The following AK1 variants were observed in gnomAD, a reference collection of about 807,000 sequenced individuals.
AK1 encodes the protein adenylate kinase isoenzyme 1.
Under a neutral mutation model 23.9 loss-of-function variants are expected in AK1, and 13 were observed. The ratio of observed to expected loss-of-function variants is 0.54; its 90% CI spans 0.35 to 0.86. The LOEUF is 0.86. Among genes scored for constraint, AK1 ranks in the 40% least tolerant of loss-of-function variants. The probability of loss-of-function intolerance (pLI) is 0.01; values close to 1 mark genes in which losing one functional copy is unlikely to be tolerated. For synonymous variants in AK1, 97 were observed against 102.8 expected, an observed-to-expected ratio of 0.94 and a Z score of 0.34; for missense variants, 214 against 255.1, an observed-to-expected ratio of 0.84 and a Z score of 1.10.
At chr9:127,870,923 C>G (rs1829392032) in intron 5 of AK1, among the ~76,000 whole-genome samples, 1 of 147,998 alleles carries the variant, frequency 6.8e-6, no homozygotes, top group South Asian at 2.1e-4. Flanking sequence ...CCTCCTAGGC[C>G]CTTGCAGTCC....
intron 1 of AK1, 52 bp from the exon 2 acceptor site, chr9:127,874,701 C>T (rs916627449): frequency 6.4e-7 from 1 of 1,570,082 alleles, no homozygotes; most frequent in Non-Finnish European, 8.8e-7. Context: ...CACCCTGACT[C>T]ACCTTCCACT....
upstream of AK1, among the ~76,000 whole-genome samples, chr9:127,877,985 C>T (rs1829579937): frequency 6.6e-6 from 1 of 152,254 alleles, no homozygotes; most frequent in Non-Finnish European, 1.5e-5. The surrounding 1 kb of genome is among the most constrained non-coding windows in gnomAD (Gnocchi z 5.2). Context: ...CCAGGCTTTC[C>T]CTATGATAGC....
rs761274632 is a variant in AK1 at position 127,868,060 on chromosome 9, G to A, written c.533C>T (p.Ser178Phe). The change falls in exon 7 of 7, where the codon TCC (serine) becomes TTC (phenylalanine). Residue 178 changes from serine to phenylalanine, a missense_variant. Transcript: ENST00000644144. The surrounding 1 kb of genome is among the most constrained non-coding windows in gnomAD (Gnocchi z 4.1). ...GACCTGGGAGAAGACACTGTCCACG[G>A]AGCCCTCAGCGTTGACCTGTGGGGA... ...GIVRKVNAEG[S>F]VDSVFSQVCT... The A allele has an allele frequency of 2.5e-6, 4 of 1,614,118 alleles. No homozygotes were observed. The highest frequency in any genetic ancestry group is 3.4e-6 in the Non-Finnish European group (4 of 1,179,984).
At chr9:127,870,824 ATGGGAATGGGGC>A (rs1829383738) in intron 5 of AK1, among the ~76,000 whole-genome samples, 1 of 144,036 alleles carries the variant, frequency 6.9e-6, no homozygotes, top group African/African-American at 2.6e-5. Flanking sequence ...GGAATGGGGC[ATGGGAATGGGGC>A]ATGGGGATGG....
At chr9:127,875,820 C>G (rs930796479) in intron 1 of AK1, among the ~76,000 whole-genome samples, 7 of 152,178 alleles carry the variant, frequency 4.6e-5, no homozygotes, top group African/African-American at 1.7e-4. Flanking sequence ...CAACCCTCCC[C>G]TCCCCAGGCT....
chr9:127,872,955 A>G, intron 3 of AK1, 71 bp downstream of exon 3: 3 of 1,613,370 alleles, frequency 1.9e-6, no homozygotes, highest in Non-Finnish European at 2.5e-6. Flanking sequence ...CCCAGGGTGC[A>G]GCCCCAGGCC....
At chr9:127,875,479 C>T (rs915172547) in intron 1 of AK1, among the ~76,000 whole-genome samples, 7 of 151,728 alleles carry the variant, frequency 4.6e-5, no homozygotes, top group African/African-American at 2.4e-5. Context: ...CTCCCCAAGG[C>T]CACTCGCAAC....
intron 1 of AK1, among the ~76,000 whole-genome samples, chr9:127,875,231 G>C (rs1829511262): frequency 6.6e-6 from 1 of 151,906 alleles, no homozygotes. Flanking sequence ...GCGGTCCCAG[G>C]CTCTTCACCT....
In AK1 at chr9:127,872,723, C is replaced by T. The variant is rs747156836; in HGVS notation, c.174G>A (p.Ser58=). 45 of 1,614,036 alleles carry T rather than the reference C, an allele frequency of 2.8e-5. No homozygotes were observed. Among genetic ancestry groups the T allele is most frequent in the South Asian group, 2.1e-4 (19 of 91,082 alleles). The change falls in exon 4 of 7, where the codon TCG becomes TCA. Residue 58 remains serine, a synonymous_variant. Coordinates refer to ENST00000644144, the MANE Select transcript of AK1 (RefSeq NM_000476.3). The stretch of plus-strand genomic sequence containing the variant: ...CCAGCTGCCCCTTCTCCATGATTTC[C>T]GACAGCTTCTTGCCCCTGGCCGAGC... ...SSGSARGKKL[S]EIMEKGQLVP... is the part of the protein sequence containing the mutation.
rs1446234527 is a variant in AK1, at chr9:127,877,039, C to T, written c.-33+584G>A. Among the ~76,000 whole-genome samples the T allele has an allele frequency of 6.6e-6, 1 of 152,204 alleles. No individual in the cohort carries two copies. Among genetic ancestry groups the T allele is most frequent in the African/African-American group, 2.4e-5 (1 of 41,442 alleles). ...CATCACTCAGCTGTGTGACCTTGGG[C>T]AGTTGGTGTCCCCTCTCTGGGCCTG... On this transcript the variant is annotated intron_variant, in intron 1 of 6. Coordinates refer to ENST00000644144, the MANE Select transcript of AK1 (RefSeq NM_000476.3). This position sits in a 1 kb window ranked among gnomAD's most constrained non-coding sequence, Gnocchi z 5.2.
rs12342060 is a variant in AK1, at chr9:127,874,105, A to G, written c.7+506T>C. Reference sequence around the variant, plus strand: ...TTAAGAGCTGCCCAGGCCAAGGCACAGTGCCAGGAACTGGACGGATGGTGC... The same window carrying G: ...TTAAGAGCTGCCCAGGCCAAGGCACGGTGCCAGGAACTGGACGGATGGTGC... On this transcript the variant is annotated intron_variant, in intron 2 of 6. Coordinates refer to ENST00000644144, the MANE Select transcript of AK1 (RefSeq NM_000476.3). 26 of 985,360 alleles carry G rather than the reference A, an allele frequency of 2.6e-5. No individual in the cohort carries two copies. The Admixed American group carries it at 6.8e-4, about 26-fold the overall frequency. 61.0% of individuals were successfully genotyped at this position (985,360 alleles called of 1,614,324 possible). A position where few individuals can be genotyped will look rare whatever the true frequency, so the allele number is the denominator to read the frequency against.
intron 4 of AK1, 91 bp downstream of exon 4, chr9:127,872,599 T>G: frequency 6.4e-7 from 1 of 1,566,350 alleles, no homozygotes. Flanking sequence ...ACGGTCAGCT[T>G]TGCCTGTGTG....
In AK1 at chr9:127,868,677, C is replaced by T. The variant is rs1217564935; in HGVS notation, c.325-165G>A. On this transcript the variant is annotated intron_variant, in intron 5 of 6. Transcript: ENST00000644144. The surrounding 1 kb of genome is among the most constrained non-coding windows in gnomAD (Gnocchi z 4.1). ...CTAAAACCAATCTTTCCTGCCACTC[C>T]CCTGCTCAAACCTACACCATGGCTC... is the stretch of plus-strand genomic sequence containing the variant. 1.1e-4 allele frequency among the ~76,000 whole-genome samples: 17 copies of T among 152,140 alleles called. No homozygotes were observed.
chr9:127,877,093 G>A lies in AK1; in HGVS notation c.-33+530C>T, dbSNP rs931132363. ...TGCTGCTGCTGAGGAGTACCAGGCG[G>A]CCACTGAGCAGTGCTGTGGGAAGGC... On this transcript the variant is annotated intron_variant, in intron 1 of 6. Coordinates refer to ENST00000644144, the MANE Select transcript of AK1 (RefSeq NM_000476.3). The surrounding 1 kb of genome is among the most constrained non-coding windows in gnomAD (Gnocchi z 5.2). Among the ~76,000 whole-genome samples the A allele has an allele frequency of 3.9e-5, 6 of 152,190 alleles. No homozygotes were observed. The highest frequency in any genetic ancestry group is 8.8e-5 in the Non-Finnish European group (6 of 68,010).
chr9:127,872,341 T>C (rs538461464), intron 4 of AK1, among the ~76,000 whole-genome samples: 2 of 150,722 alleles, frequency 1.3e-5, no homozygotes, highest in East Asian at 2.0e-4. Context: ...GAGTAGAAAA[T>C]TGGGGGGGGA....
chr9:127,872,918 G>A, intron 3 of AK1, 65 bp from the exon 4 acceptor site: 2 of 1,613,096 alleles, frequency 1.2e-6, no homozygotes, highest in Non-Finnish European at 1.7e-6. Context: ...GGGGCTGCCA[G>A]GGTCTCCCAG....
Position 127,871,881 on chromosome 9 carries a change from C to A in AK1, c.266G>T (p.Gly89Val), listed in dbSNP as rs746592337. 6.2e-7 allele frequency: 1 copy of A among 1,614,170 alleles called. No homozygotes were observed. Among genetic ancestry groups the A allele is most frequent in the East Asian group, 2.2e-5 (1 of 44,888 alleles). ...CCGCGGGTAGCCATCAATCAGGAAGCCTTTGGAAGTATTGACTTTGGCCAC... is the reference window on the plus strand; with the variant it reads ...CCGCGGGTAGCCATCAATCAGGAAGACTTTGGAAGTATTGACTTTGGCCAC... ...AMVAKVNTSK[G>V]FLIDGYPREV... Residue 89 changes from glycine (G) to valine (V), a missense_variant, in exon 5 of 7, where the codon GGC (glycine) becomes GTC (valine). Coordinates refer to ENST00000644144, the MANE Select transcript of AK1 (RefSeq NM_000476.3). This position sits in a 1 kb window ranked among gnomAD's most constrained non-coding sequence, Gnocchi z 4.4.
rs1027401047 is a variant in AK1, at chr9:127,867,539, C to T, written c.*469G>A. The stretch of plus-strand genomic sequence containing the variant: ...CCAGGCATGGAACATATGCTCAGAG[C>T]GATGGGGGTCAGGGCCAAGGCCACA... On this transcript the variant is annotated 3_prime_UTR_variant, in exon 7 of 7. Transcript: ENST00000644144. 8 of 216,772 alleles carry T rather than the reference C, an allele frequency of 3.7e-5. No individual in the cohort carries two copies. The highest frequency in any genetic ancestry group is 5.6e-5 in the Non-Finnish European group (6 of 106,776). 13.4% of individuals were successfully genotyped at this position (216,772 alleles called of 1,614,324 possible). A position where few individuals can be genotyped will look rare whatever the true frequency, so the allele number is the denominator to read the frequency against.
At chr9:127,870,352 G>A (rs549677154) in intron 5 of AK1, among the ~76,000 whole-genome samples, 1 of 152,136 alleles carries the variant, frequency 6.6e-6, no homozygotes, top group African/African-American at 2.4e-5. Flanking sequence ...ACAGGCGCCC[G>A]CCACCATGCC....
Sources: gnomAD v4.1 joint callset for allele counts (sites outside exome capture counted in the v4.1 genomes callset) on GRCh38, gnomAD v4.1.1 for gene constraint, Gnocchi (gnomAD v3.1) non-coding constraint, MANE v1.5 for transcripts, NCBI Gene and HGNC (gene_info 2026-07-23, HGNC 2026-07-21) for gene names.